The following FTCDNL1 variants were observed in gnomAD, a reference collection of about 807,000 sequenced individuals.
FTCDNL1 encodes the protein formiminotransferase cyclodeaminase N-terminal like.
A neutral mutation model predicts 5.9 loss-of-function variants in FTCDNL1; 11 were observed. The ratio of observed to expected loss-of-function variants is 1.87; its 90% CI spans 1.18 to 3.10. FTCDNL1 has a LOEUF of 3.10. Ranked by LOEUF, FTCDNL1 falls within the 30% of genes most tolerant of loss-of-function variation. The pLI is 0.00. For synonymous variants in FTCDNL1, 58 were observed against 24.8 expected, an observed-to-expected ratio of 2.34 and a Z score of -3.99; for missense variants, 115 against 65.5, an observed-to-expected ratio of 1.76 and a Z score of -2.61.
intron 3 of FTCDNL1, among the ~76,000 whole-genome samples, chr2:199,833,304 C>T (rs944724165): frequency 1.3e-5 from 2 of 152,166 alleles, no homozygotes; most frequent in Non-Finnish European, 2.9e-5. Context: ...TCCCATCTTG[C>T]TTCCCTGTCT....
At chr2:199,707,476 A>G in the FTCDNL1 span, among the ~76,000 whole-genome samples, 767 of 152,170 alleles carry the variant, frequency 5.0e-3, 3 homozygotes, top group African/African-American at 0.017. Context: ...TGGGCATAAT[A>G]TTTCATTATT....
intron 2 of FTCDNL1, among the ~76,000 whole-genome samples, chr2:199,846,646 C>T (rs1010891652): frequency 1.3e-5 from 2 of 152,166 alleles, no homozygotes; most frequent in Non-Finnish European, 2.9e-5. Flanking sequence ...GTTTTTGAGA[C>T]GCATGCACCT....
intron 3 of FTCDNL1, among the ~76,000 whole-genome samples, chr2:199,765,082 A>G (rs1486837305): frequency 6.6e-6 from 1 of 152,134 alleles, no homozygotes; most frequent in Non-Finnish European, 1.5e-5. Context: ...AATATTCAAC[A>G]TCAAAAAATA....
chr2:199,772,085 A>G (rs1698840460), intron 3 of FTCDNL1, among the ~76,000 whole-genome samples: 1 of 152,194 alleles, frequency 6.6e-6, no homozygotes, highest in African/African-American at 2.4e-5. Context: ...CTTAAACACA[A>G]ACACTGCGAT....
chr2:199,849,464 G>C lies in FTCDNL1; in HGVS notation c.-7-495C>G, dbSNP rs1320988671. On this transcript the variant is annotated intron_variant, in intron 1 of 4. Coordinates refer to ENST00000420128, the MANE Select transcript of FTCDNL1 (RefSeq NM_001363886.2). ...GAAAGTGTCTACAGGCCATGCCATG[G>C]ACATTATACAAATAAATAAGGAAGC... 1.6e-4 allele frequency among the ~76,000 whole-genome samples: 24 copies of C among 152,128 alleles called. 1 individual carries two copies. The highest frequency in any genetic ancestry group is 1.6e-3 in the Admixed American group (24 of 15,266).
At chr2:199,787,484 T>C (rs1358347108) in intron 3 of FTCDNL1, among the ~76,000 whole-genome samples, 1 of 152,156 alleles carries the variant, frequency 6.6e-6, no homozygotes, top group Non-Finnish European at 1.5e-5. Flanking sequence ...ACTCCAAGCC[T>C]TGGCAACCTT....
chr2:199,732,084 T>C, the FTCDNL1 span, among the ~76,000 whole-genome samples: 1 of 152,244 alleles, frequency 6.6e-6, no homozygotes, highest in Non-Finnish European at 1.5e-5. Context: ...TGTTCTCTCC[T>C]GCTTCTGTCT....
At chr2:199,704,317 G>A in the FTCDNL1 span, among the ~76,000 whole-genome samples, 2 of 152,022 alleles carry the variant, frequency 1.3e-5, no homozygotes, top group African/African-American at 4.8e-5. Context: ...AAGTTAAAAA[G>A]ACAAAAACAA....
chr2:199,758,812 C>A (rs373048548), downstream of FTCDNL1, among the ~76,000 whole-genome samples: 1 of 152,142 alleles, frequency 6.6e-6, no homozygotes, highest in Non-Finnish European at 1.5e-5. Flanking sequence ...TTTTAACAAG[C>A]CCCTCAGGGG....
Position 199,848,834 on chromosome 2 carries a change from T to A in FTCDNL1, c.115+14A>T. ...ACACTATAATATTCAGCTTCAATTG[T>A]CTGTTTTTCCTACCATTTTTGTCAA... On this transcript the variant is annotated intron_variant, in intron 2 of 4. Coordinates refer to ENST00000420128, the MANE Select transcript of FTCDNL1 (RefSeq NM_001363886.2). 1 of 701,568 alleles carries A rather than the reference T, an allele frequency of 1.4e-6. No individual in the cohort carries two copies. Among genetic ancestry groups the A allele is most frequent in the East Asian group, 2.7e-5 (1 of 37,272 alleles). The allele number at this position is 701,568 out of a possible 1,614,324, so 43.5% of individuals were successfully genotyped here.
At chr2:199,696,595 G>A in the FTCDNL1 span, among the ~76,000 whole-genome samples, 12 of 151,308 alleles carry the variant, frequency 7.9e-5, no homozygotes, top group Admixed American at 7.2e-4. Context: ...TGAATCCAAC[G>A]TATAACACCA....
chr2:199,837,139 C>G (rs1216046215), intron 3 of FTCDNL1, among the ~76,000 whole-genome samples: 1 of 152,210 alleles, frequency 6.6e-6, no homozygotes, highest in Non-Finnish European at 1.5e-5. Flanking sequence ...AGTTGGTAGA[C>G]TCCTCTTGCA....
chr2:199,760,168 G>A (rs536203802), downstream of FTCDNL1, among the ~76,000 whole-genome samples: 18 of 151,578 alleles, frequency 1.2e-4, no homozygotes, highest in Non-Finnish European at 2.1e-4. Flanking sequence ...GGGGTGGAGC[G>A]GGGGAGTCGT....
intron 1 of FTCDNL1, among the ~76,000 whole-genome samples, chr2:199,850,349 T>G (rs907556265): frequency 2.0e-5 from 3 of 152,232 alleles, no homozygotes; most frequent in Non-Finnish European, 4.4e-5. Flanking sequence ...CTTAATTGTC[T>G]CATCAGGCAC....
At chr2:199,689,907 T>C in the FTCDNL1 span, among the ~76,000 whole-genome samples, 959 of 151,614 alleles carry the variant, frequency 6.3e-3, 6 homozygotes, top group Non-Finnish European at 9.4e-3. Flanking sequence ...TACCAAAACA[T>C]ATGGAAATAA....
intron 3 of FTCDNL1, among the ~76,000 whole-genome samples, chr2:199,772,548 T>A (rs80190228): frequency 0.019 from 2,881 of 152,266 alleles, 82 homozygotes; most frequent in African/African-American, 0.065. Context: ...ATCCTCCCCA[T>A]GACCCCACAC....
At chr2:199,690,451 C>G in the FTCDNL1 span, among the ~76,000 whole-genome samples, 1 of 152,186 alleles carries the variant, frequency 6.6e-6, no homozygotes, top group Admixed American at 6.5e-5. Context: ...CCTGCTTCCT[C>G]TCTCACCGGC....
chr2:199,803,502 C>T (rs1288009320), intron 3 of FTCDNL1, among the ~76,000 whole-genome samples: 1 of 152,118 alleles, frequency 6.6e-6, no homozygotes, highest in Non-Finnish European at 1.5e-5. Context: ...CAGGGTCTCA[C>T]TCTGTCACCG....
At chr2:199,808,991 C>G (rs892998063), downstream of FTCDNL1, among the ~76,000 whole-genome samples, 2 of 152,192 alleles carry the variant, frequency 1.3e-5, no homozygotes, top group Non-Finnish European at 2.9e-5. Context: ...CTTCTCACCT[C>G]TCAGAGACTG....
Sources: gnomAD v4.1 joint callset for allele counts (sites outside exome capture counted in the v4.1 genomes callset) on GRCh38, gnomAD v4.1.1 for gene constraint, MANE v1.5 for transcripts, NCBI Gene and HGNC (gene_info 2026-07-23, HGNC 2026-07-21) for gene names.